Variants in MYBPC3 observed in about 807,000 individuals in gnomAD.
MYBPC3 encodes the protein myosin binding protein C3.
MYBPC3 carries 108 observed loss-of-function variants against 159.3 expected under a neutral mutation model. The ratio of observed to expected loss-of-function variants is 0.68; its 90% CI spans 0.58 to 0.80. MYBPC3 has a LOEUF of 0.80. Ranked by LOEUF, MYBPC3 falls within the 30% of genes least tolerant of loss-of-function variation. The pLI is 0.00. For missense variants in MYBPC3, 1,631 were observed against 1,762.1 expected, an observed-to-expected ratio of 0.93 and a Z score of 1.33; for synonymous variants, 730 against 702.0, an observed-to-expected ratio of 1.04 and a Z score of -0.63.
chr11:47,342,187 G>T (rs748533309), intron 17 of MYBPC3, 31 bp from the exon 18 acceptor site: 2 of 1,609,026 alleles, frequency 1.2e-6, no homozygotes, highest in South Asian at 2.2e-5. Flanking sequence ...ATTGAGCTCG[G>T]GAGGGTGTGT....
intron 26 of MYBPC3, 151 bp downstream of exon 26, chr11:47,335,726 T>A (rs180676478): frequency 3.0e-5 from 20 of 657,572 alleles, no homozygotes; most frequent in Non-Finnish European, 4.0e-5. Context: ...GCAAGCTTTT[T>A]TACTTCTGAA....
Position 47,337,741 on chromosome 11 carries a change from A to C in MYBPC3, c.2362T>G (p.Cys788Gly). 6.4e-7 allele frequency: 1 copy of C among 1,560,162 alleles called. No individual in the cohort carries two copies. Among genetic ancestry groups the C allele is most frequent in the South Asian group, 1.2e-5 (1 of 84,920 alleles). Residue 788 changes from cysteine (C) to glycine (G), a missense_variant, in exon 24 of 35, where the codon TGC becomes GGC. Cys to Gly is a radical substitution (Grantham distance 159). Coordinates refer to ENST00000545968, the MANE Select transcript of MYBPC3 (RefSeq NM_000256.3). Reference sequence around the variant, plus strand: ...GCAGGCGGCTCCCACTGTACTGTGCAGGAGTCCTCTCCCACGTTGCTGATC... The same window carrying C: ...GCAGGCGGCTCCCACTGTACTGTGCCGGAGTCCTCTCCCACGTTGCTGATC... Reference protein sequence around the residue: ...PKISNVGEDSCTVQWEPPAYD... With the variant: ...PKISNVGEDSGTVQWEPPAYD...
In MYBPC3 at chr11:47,337,466, C is replaced by T. The variant is rs730880567; in HGVS notation, c.2527G>A (p.Glu843Lys). Reference protein sequence around the residue: ...ARRMIEGVVYEMRVYAVNAIG... With the variant: ...ARRMIEGVVYKMRVYAVNAIG... ...GCGTTGACCGCGTAGACGCGCATCT[C>T]GTACACCACGCCCTCGATCATGCGC... The change falls in exon 25 of 35, where the codon GAG becomes AAG. Residue 843 changes from glutamate (E) to lysine (K), a missense_variant. Physicochemically the swap from Glu to Lys is moderately conservative, Grantham distance 56 (BLOSUM62 1). Transcript: ENST00000545968. The T allele has an allele frequency of 2.5e-6, 4 of 1,613,806 alleles. No individual in the cohort carries two copies. Among genetic ancestry groups the T allele is most frequent in the East Asian group, 2.2e-5 (1 of 44,882 alleles).
chr11:47,348,177 G>A (rs2095896353), intron 6 of MYBPC3, among the ~76,000 whole-genome samples: 1 of 152,182 alleles, frequency 6.6e-6, no homozygotes, highest in Admixed American at 6.5e-5. Flanking sequence ...CCATGGGCCA[G>A]GAGCCGTGAC....
chr11:47,334,046 G>A (rs760647097), intron 27 of MYBPC3, 36 bp from the exon 28 acceptor site: 27 of 1,539,482 alleles, frequency 1.8e-5, no homozygotes, highest in Admixed American at 5.9e-5. Flanking sequence ...GTGAGGGCCC[G>A]CCACAGCTCT....
rs2095900994 is a variant in MYBPC3, at chr11:47,351,468, C to T, written c.63G>A (p.Val21=). 3 of 1,596,424 alleles carry T rather than the reference C, an allele frequency of 1.9e-6. No individual in the cohort carries two copies. The highest frequency in any genetic ancestry group is 1.7e-4 in the Middle Eastern group (1 of 6,014). The change falls in exon 2 of 35, where the codon GTG becomes GTA. Residue 21 remains valine (V), a synonymous_variant. Transcript: ENST00000545968. The surrounding 1 kb of genome is among the most constrained non-coding windows in gnomAD (Gnocchi z 4.2). ...CGAACACGGCAGGGCTGCCTGCGGC[C>T]ACTTCCACTGACCGTGGCTTCTTGC... ...AFSKKPRSVE[V]AAGSPAVFEA...
Position 47,332,906 on chromosome 11 carries a change from T to G in MYBPC3, c.3398A>C (p.Asn1133Thr), listed in dbSNP as rs943843909. Residue 1133 changes from asparagine to threonine, a missense_variant, in exon 31 of 35, where the codon AAT becomes ACT. Asn to Thr is a moderately conservative substitution (Grantham distance 65). Transcript: ENST00000545968. The surrounding 1 kb of genome is among the most constrained non-coding windows in gnomAD (Gnocchi z 4.2). ...HCVVPELIIG[N>T]GYYFRVFSQN... is the part of the protein sequence containing the mutation. The stretch of plus-strand genomic sequence containing the variant: ...GCTGAAGACGCGGAAGTAGTAGCCA[T>G]TGCCAATGATGAGCTCTGGCACCAC... The G allele has an allele frequency of 1.2e-6, 2 of 1,609,524 alleles. No homozygotes were observed. Among genetic ancestry groups the G allele is most frequent in the East Asian group, 4.5e-5 (2 of 44,758 alleles).
intron 18 of MYBPC3, 136 bp downstream of exon 18, chr11:47,341,855 T>C (rs2095888936): frequency 1.5e-5 from 18 of 1,199,174 alleles, no homozygotes; most frequent in Non-Finnish European, 2.0e-5. Flanking sequence ...GGTCTCTGTC[T>C]CAGTCTCTGT....
At chr11:47,347,131 G>A (rs180696436) in intron 9 of MYBPC3, 102 bp from the exon 10 acceptor site, 3 of 1,346,118 alleles carry the variant, frequency 2.2e-6, no homozygotes, top group South Asian at 2.8e-5. Context: ...AGACCCTGCA[G>A]CTCTGGGGAC....
intron 19 of MYBPC3, 23 bp from the exon 20 acceptor site, chr11:47,341,055 T>C (rs1158983908): frequency 1.9e-6 from 3 of 1,575,442 alleles, no homozygotes; most frequent in Non-Finnish European, 2.6e-6. Flanking sequence ...GAAGAGCAAG[T>C]AGCACGGGGG....
intron 20 of MYBPC3, among the ~76,000 whole-genome samples, chr11:47,340,681 T>TA (rs904179589): frequency 2.0e-5 from 3 of 149,298 alleles, no homozygotes; most frequent in African/African-American, 4.9e-5. Context: ...AAAATAAAAA[T>TA]AAAAAAAAAG....
Position 47,350,098 on chromosome 11 carries a change from C to G in MYBPC3, c.421G>C (p.Ala141Pro). 6.4e-7 allele frequency: 1 copy of G among 1,556,278 alleles called. No homozygotes were observed. The highest frequency in any genetic ancestry group is 2.4e-5 in the East Asian group (1 of 41,366). Residue 141 changes from alanine (A) to proline (P), a missense_variant, in exon 4 of 35, where the codon GCT (alanine) becomes CCT (proline). By Grantham distance (27) the Ala-to-Pro change is conservative. Coordinates refer to ENST00000545968, the MANE Select transcript of MYBPC3 (RefSeq NM_000256.3). Reference protein sequence around the residue: ...APSPKGSSSAALNGPTPGAPD... With the variant: ...APSPKGSSSAPLNGPTPGAPD... The stretch of plus-strand genomic sequence containing the variant: ...GCTCCAGGGGTAGGACCATTGAGAG[C>G]TGCTGAGCTTGACCCTGTGAGCAAA...
intron 26 of MYBPC3, 64 bp from the exon 27 acceptor site, chr11:47,335,273 G>A: frequency 7.8e-7 from 1 of 1,278,500 alleles, no homozygotes; most frequent in African/African-American, 1.5e-5. Flanking sequence ...CACTCCCACT[G>A]CCCACTCCTC....
In MYBPC3 at chr11:47,346,081, AGGTGG is replaced by A. The variant is rs2095893728; in HGVS notation, c.1090+121_1090+125del. ...TCCGCTCTTTCCATGTATGTGGACG[AGGTGG>A]GGGGCTAACCTGTGCCCTCTCCTCT... On this transcript the variant is annotated intron_variant, in intron 12 of 34. Transcript: ENST00000545968. The surrounding 1 kb of genome is among the most constrained non-coding windows in gnomAD (Gnocchi z 5.3). The A allele has an allele frequency of 6.8e-6, 9 of 1,314,498 alleles. No homozygotes were observed. In the East Asian group the frequency reaches 2.3e-4, roughly 33 times the overall value. 81.4% of individuals were successfully genotyped at this position (1,314,498 alleles called of 1,614,324 possible).
intron 5 of MYBPC3, 74 bp downstream of exon 5, chr11:47,349,700 C>T: frequency 1.3e-6 from 2 of 1,530,436 alleles, no homozygotes; most frequent in South Asian, 1.2e-5. Context: ...TCATGGTGCC[C>T]TCTGTGTGCC....
chr11:47,350,605 C>T lies in MYBPC3; in HGVS notation c.303G>A (p.Glu101=). ...GGGCAGGGGCAGGGGCCAGCATGGGCTCTGCCTTCTCTGGAGGGGATCAGA... is the reference window on the plus strand; with the variant it reads ...GGGCAGGGGCAGGGGCCAGCATGGGTTCTGCCTTCTCTGGAGGGGATCAGA... The part of the protein sequence containing the change: ...DLKVIEAEKA[E]PMLAPAPAPA... The change falls in exon 3 of 35, where the codon GAG becomes GAA. Residue 101 remains glutamate (E), a synonymous_variant. Coordinates refer to ENST00000545968, the MANE Select transcript of MYBPC3 (RefSeq NM_000256.3). 1 of 1,496,796 alleles carries T rather than the reference C, an allele frequency of 6.7e-7. No homozygotes were observed. The highest frequency in any genetic ancestry group is 1.3e-5 in the South Asian group (1 of 74,472). The allele number at this position is 1,496,796 out of a possible 1,614,324, so 92.7% of individuals were successfully genotyped here.
Position 47,331,570 on chromosome 11 carries a change from C to T in MYBPC3, c.*173G>A, listed in dbSNP as rs2095874590. 2.3e-6 allele frequency: 1 copy of T among 435,182 alleles called. No homozygotes were observed. The highest frequency in any genetic ancestry group is 4.2e-6 in the Non-Finnish European group (1 of 239,580). 27.0% of individuals were successfully genotyped at this position (435,182 alleles called of 1,614,324 possible). ...GAGCCCTGTGGACCAGTCTGTGCAA[C>T]ACCCACTCAGGACTGCCCGACAACT... On this transcript the variant is annotated 3_prime_UTR_variant, in exon 35 of 35. Coordinates refer to ENST00000545968, the MANE Select transcript of MYBPC3 (RefSeq NM_000256.3).
Position 47,351,607 on chromosome 11 carries a change from C to T in MYBPC3, c.26-102G>A. On this transcript the variant is annotated intron_variant, in intron 1 of 34. Transcript: ENST00000545968. This position sits in a 1 kb window ranked among gnomAD's most constrained non-coding sequence, Gnocchi z 4.2. ...ACTGTGCTAGCACTTTCTATGCATC[C>T]CCTCACGTAATACTCTACCAGTTCT... 7.8e-7 allele frequency: 1 copy of T among 1,280,750 alleles called. No homozygotes were observed. The allele number at this position is 1,280,750 out of a possible 1,614,324, so 79.3% of individuals were successfully genotyped here. A position where few individuals can be genotyped will look rare whatever the true frequency, so the allele number is the denominator to read the frequency against.
rs746613719 is a variant in MYBPC3, at chr11:47,332,855, C to T, written c.3449G>A (p.Arg1150Lys). Reference sequence around the variant, plus strand: ...GACGGGCTCCTTGGTGGTGGCCGCTCTGTCACTAAAGCCAACCATATTCTG... The same window carrying T: ...GACGGGCTCCTTGGTGGTGGCCGCTTTGTCACTAAAGCCAACCATATTCTG... ...FSQNMVGFSD[R>K]AATTKEPVFI... The change falls in exon 31 of 35, where the codon AGA becomes AAA. Residue 1150 changes from arginine (R) to lysine (K), a missense_variant. By Grantham distance (26) the Arg-to-Lys change is conservative. Coordinates refer to ENST00000545968, the MANE Select transcript of MYBPC3 (RefSeq NM_000256.3). This position sits in a 1 kb window ranked among gnomAD's most constrained non-coding sequence, Gnocchi z 4.2. The T allele has an allele frequency of 4.4e-6, 7 of 1,607,468 alleles. No homozygotes were observed. The South Asian group carries it at 6.7e-5, about 15-fold the overall frequency.
Sources: allele counts gnomAD v4.1 joint callset (sites outside exome capture counted in the v4.1 genomes callset), GRCh38; gene constraint gnomAD v4.1.1; non-coding constraint Gnocchi (gnomAD v3.1); transcripts MANE v1.5; gene names NCBI Gene and HGNC (gene_info 2026-07-23, HGNC 2026-07-21).